The following DAB1 variants were observed in gnomAD, a reference collection of about 807,000 sequenced individuals.
The protein encoded by DAB1 is DAB adaptor protein 1.
A neutral mutation model predicts 64.6 loss-of-function variants in DAB1; 15 were observed. That is an observed-to-expected ratio of 0.23 (90% CI 0.16 to 0.36). DAB1 has a LOEUF of 0.36. Ranked by LOEUF, DAB1 falls within the 10% of genes least tolerant of loss-of-function variation. DAB1 has a pLI of 1.00. For synonymous variants in DAB1, 235 were observed against 251.9 expected (o/e 0.93, Z 0.64); for missense variants, 596 against 706.7 (o/e 0.84, Z 1.78).
At chr1:57,716,125 G>C (rs761009091) in intron 6 of DAB1, among the ~76,000 whole-genome samples, 9 of 152,214 alleles carry the variant, frequency 5.9e-5, no homozygotes, top group Non-Finnish European at 1.0e-4. Flanking sequence ...GGTCAGGCTG[G>C]TCTCGAACTC....
chr1:57,095,995 T>A (rs1654127180), intron 4 of DAB1, among the ~76,000 whole-genome samples: 1 of 152,232 alleles, frequency 6.6e-6, no homozygotes, highest in Admixed American at 6.5e-5. Context: ...ATCATAGCAG[T>A]AATAGCTGAT....
intron 1 of DAB1, chr1:58,541,614 C>CAAAAAAAAAAAAAAAAAAAAAAAA (rs60360589): frequency 5.5e-4 from 36 of 65,616 alleles, no homozygotes; most frequent in East Asian, 7.1e-4. Flanking sequence ...GAGAACCTGT[C>CAAAAAAAAAAAAAAAAAAAAAAAA]AAAAAAAAAA....
chr1:57,888,242 C>T (rs1213566647), upstream of DAB1, among the ~76,000 whole-genome samples: 1 of 152,072 alleles, frequency 6.6e-6, no homozygotes, highest in East Asian at 1.9e-4. Context: ...AGCATATTTG[C>T]CATCAGATAA....
At chr1:57,122,076 T>C (rs1397049879) in intron 4 of DAB1, among the ~76,000 whole-genome samples, 2 of 152,158 alleles carry the variant, frequency 1.3e-5, no homozygotes, top group South Asian at 2.1e-4. Context: ...TTAAATATCA[T>C]CTGCTTACTT....
chr1:58,293,282 C>T (rs1049296930), intron 4 of DAB1, among the ~76,000 whole-genome samples: 3 of 152,168 alleles, frequency 2.0e-5, no homozygotes, highest in Admixed American at 6.6e-5. Flanking sequence ...GGCCTAAGTC[C>T]GAAACCTTCT....
intron 4 of DAB1, among the ~76,000 whole-genome samples, chr1:58,281,755 C>A (rs997346091): frequency 2.6e-5 from 4 of 152,144 alleles, no homozygotes; most frequent in African/African-American, 9.7e-5. Context: ...CTCTGTTTCT[C>A]AGTTTCTTCA....
intron 5 of DAB1, among the ~76,000 whole-genome samples, chr1:58,136,729 T>C (rs1187896950): frequency 6.6e-6 from 1 of 152,238 alleles, no homozygotes; most frequent in Non-Finnish European, 1.5e-5. Context: ...AGATGTTCAT[T>C]TATCTAGGTT....
chr1:57,392,407 A>G (rs1032344049), intron 1 of DAB1, among the ~76,000 whole-genome samples: 2 of 152,102 alleles, frequency 1.3e-5, no homozygotes, highest in Non-Finnish European at 2.9e-5. Context: ...AAAAGCATAT[A>G]ACGAACACTC....
chr1:57,949,536 T>G (rs1006766173), intron 5 of DAB1, among the ~76,000 whole-genome samples: 4 of 142,498 alleles, frequency 2.8e-5, no homozygotes, highest in Non-Finnish European at 4.5e-5. Flanking sequence ...TGTCTGTCTA[T>G]CTATCATCTA....
At chr1:58,031,697 T>C (rs1213756256) in intron 5 of DAB1, among the ~76,000 whole-genome samples, 1 of 152,142 alleles carries the variant, frequency 6.6e-6, no homozygotes, top group Non-Finnish European at 1.5e-5. Flanking sequence ...TACATGCGAA[T>C]AACAAAGCTA....
At chr1:57,197,376 C>T (rs1664716809) in intron 2 of DAB1, among the ~76,000 whole-genome samples, 1 of 150,686 alleles carries the variant, frequency 6.6e-6, no homozygotes. Context: ...AGTTCAAAAA[C>T]TTGACCGAAA....
At chr1:57,610,427 G>A (rs1177473467) in intron 7 of DAB1, among the ~76,000 whole-genome samples, 1 of 152,120 alleles carries the variant, frequency 6.6e-6, no homozygotes, top group African/African-American at 2.4e-5. Flanking sequence ...GGAAATAAGA[G>A]GCCCAGAGTG....
At chr1:57,368,283 G>A (rs1363510370) in intron 1 of DAB1, among the ~76,000 whole-genome samples, 3 of 152,250 alleles carry the variant, frequency 2.0e-5, no homozygotes, top group African/African-American at 7.2e-5. Flanking sequence ...CAGCAGGAGG[G>A]AGACAGGTTC....
At chr1:57,812,594 A>C (rs1651682435) in intron 6 of DAB1, among the ~76,000 whole-genome samples, 1 of 152,212 alleles carries the variant, frequency 6.6e-6, no homozygotes, top group South Asian at 2.1e-4. Context: ...GAATACATTC[A>C]ACAGTGCCAG....
At position 58,532,928 on chromosome 1, in the gene DAB1, T is replaced by C. The variant is rs547286227; in HGVS notation, n.33-5593A>G. Reference sequence around the variant, plus strand: ...AATTTAGCCCATCTCATCTTATTAATAGTCTAAGGAACAGGTAGAATTTGA... The same window carrying C: ...AATTTAGCCCATCTCATCTTATTAACAGTCTAAGGAACAGGTAGAATTTGA... On this transcript the variant is annotated intron_variant and non_coding_transcript_variant, in intron 1 of 20. Transcript: ENST00000485760. Among the ~76,000 whole-genome samples the C allele has an allele frequency of 2.3e-4, 35 of 152,332 alleles. No individual in the cohort carries two copies. The South Asian group carries it at 6.8e-3, about 30-fold the overall frequency.
At chr1:58,336,896 G>T (rs1663130348) in intron 4 of DAB1, among the ~76,000 whole-genome samples, 1 of 152,122 alleles carries the variant, frequency 6.6e-6, no homozygotes, top group Non-Finnish European at 1.5e-5. Flanking sequence ...CCAGATCTGG[G>T]CCCAACACTT....
intron 4 of DAB1, among the ~76,000 whole-genome samples, chr1:57,133,855 A>T (rs1657840299): frequency 1.3e-5 from 2 of 152,212 alleles, no homozygotes; most frequent in Admixed American, 1.3e-4. Flanking sequence ...TATGGAAAAA[A>T]AAACTTCATT....
At chr1:58,073,293 C>A (rs1649390163) in intron 5 of DAB1, among the ~76,000 whole-genome samples, 1 of 152,212 alleles carries the variant, frequency 6.6e-6, no homozygotes, top group Non-Finnish European at 1.5e-5. Flanking sequence ...TTTCCACCTT[C>A]CCAACTGATT....
intron 7 of DAB1, among the ~76,000 whole-genome samples, chr1:57,436,674 A>G (rs1340996988): frequency 6.6e-6 from 1 of 152,182 alleles, no homozygotes; most frequent in East Asian, 1.9e-4. Flanking sequence ...AGATGGATGC[A>G]CCCTCTACAA....
Sources: gnomAD v4.1 joint callset for allele counts (sites outside exome capture counted in the v4.1 genomes callset) on GRCh38, gnomAD v4.1.1 for gene constraint, MANE v1.5 for transcripts, NCBI Gene and HGNC (gene_info 2026-07-23, HGNC 2026-07-21) for gene names.